The following CAMTA1 variants were observed in gnomAD, a reference collection of about 807,000 sequenced individuals.
The protein encoded by CAMTA1 is calmodulin-binding transcription activator 1.
A neutral mutation model predicts 170.9 loss-of-function variants in CAMTA1; 27 were observed. That is an observed-to-expected ratio of 0.16 (90% CI 0.12 to 0.22). CAMTA1 has a LOEUF of 0.22. Among genes scored for constraint, CAMTA1 ranks in the 10% least tolerant of loss-of-function variants. The pLI is 1.00. For missense variants in CAMTA1, 1,619 were observed against 2,217.2 expected (o/e 0.73, Z 5.42); for synonymous variants, 833 against 891.5 (o/e 0.93, Z 1.17).
chr1:6,950,955 G>T (rs984087765), intron 3 of CAMTA1, among the ~76,000 whole-genome samples: 1 of 152,246 alleles, frequency 6.6e-6, no homozygotes, highest in African/African-American at 2.4e-5. Context: ...CATCTGTGCT[G>T]TTGCTGCTCA....
Position 7,534,001 on chromosome 1 carries a change from C to T in CAMTA1, c.510+66100C>T, listed in dbSNP as rs950488845. Among the ~76,000 whole-genome samples the T allele has an allele frequency of 2.6e-5, 4 of 152,158 alleles. No homozygotes were observed. Among genetic ancestry groups the T allele is most frequent in the African/African-American group, 9.7e-5 (4 of 41,436 alleles). On this transcript the variant is annotated intron_variant, in intron 6 of 22. Transcript: ENST00000303635. This position sits in a 1 kb window ranked among gnomAD's most constrained non-coding sequence, Gnocchi z 5.6. ...AGGGCCCTTCTGGATGCCGCATGGT[C>T]AAGCCTCATCTACTGTACCTGGAGC...
rs763619302 is a variant in CAMTA1 at position 7,640,589 on chromosome 1, G to A, written c.664+36G>A. The A allele has an allele frequency of 1.1e-5, 17 of 1,613,350 alleles. No homozygotes were observed. In the South Asian group the frequency reaches 1.8e-4, roughly 17 times the overall value. On this transcript the variant is annotated intron_variant, in intron 7 of 22. Transcript: ENST00000303635. ...TTGGCCGGCCTGGCGCCCCCACGCT[G>A]GGAACCAGGCTGGCATCAACCAGGC...
intron 4 of CAMTA1, among the ~76,000 whole-genome samples, chr1:7,221,061 C>T (rs1185613111): frequency 6.6e-6 from 1 of 152,158 alleles, no homozygotes; most frequent in Non-Finnish European, 1.5e-5. Flanking sequence ...CACCGAAGGC[C>T]GGCACGGCAC....
rs561903082 is a variant in CAMTA1 at position 7,235,066 on chromosome 1, C to T, written c.303-14425C>T. Among the ~76,000 whole-genome samples, 17 of 152,164 alleles carry T rather than the reference C, an allele frequency of 1.1e-4. 1 individual carries two copies. The South Asian group carries it at 1.9e-3, about 17-fold the overall frequency. On this transcript the variant is annotated intron_variant, in intron 4 of 22. Coordinates refer to ENST00000303635, the MANE Select transcript of CAMTA1 (RefSeq NM_015215.4). ...GCTCCCAAAGTGCTGGGATTACAGT[C>T]GTGAGCCACCATGCCCAGCCAAAAA... is the stretch of plus-strand genomic sequence containing the variant.
At chr1:7,193,298 G>A (rs991507831) in intron 4 of CAMTA1, among the ~76,000 whole-genome samples, 7 of 151,520 alleles carry the variant, frequency 4.6e-5, no homozygotes, top group African/African-American at 1.7e-4. Context: ...GCTGCAGTGA[G>A]CCGAGATTGC....
chr1:6,968,124 C>A (rs570998849), intron 3 of CAMTA1, among the ~76,000 whole-genome samples: 1 of 152,334 alleles, frequency 6.6e-6, no homozygotes, highest in East Asian at 1.9e-4. Flanking sequence ...ATGGAACCCA[C>A]GAATTCCGTT....
intron 3 of CAMTA1, among the ~76,000 whole-genome samples, chr1:6,826,674 A>G (rs914566042): frequency 1.3e-5 from 2 of 152,176 alleles, no homozygotes; most frequent in African/African-American, 2.4e-5. Flanking sequence ...GTATTTTTCC[A>G]TATTATATTT....
intron 3 of CAMTA1, among the ~76,000 whole-genome samples, chr1:6,927,009 A>G (rs1187560291): frequency 6.6e-6 from 1 of 151,476 alleles, no homozygotes; most frequent in Non-Finnish European, 1.5e-5. Flanking sequence ...AGGTCTCCCA[A>G]AGTGCTAGTA....
chr1:7,393,478 A>C (rs530128738), intron 5 of CAMTA1, among the ~76,000 whole-genome samples: 1 of 151,978 alleles, frequency 6.6e-6, no homozygotes, highest in African/African-American at 2.4e-5. Context: ...GGGTCTCCCT[A>C]TGTTGCCCAG....
intron 3 of CAMTA1, among the ~76,000 whole-genome samples, chr1:6,877,658 G>A (rs1364626039): frequency 6.6e-6 from 1 of 152,094 alleles, no homozygotes; most frequent in African/African-American, 2.4e-5. Context: ...CTTCAGGTGG[G>A]GTCGCAAATA....
intron 4 of CAMTA1, among the ~76,000 whole-genome samples, chr1:7,103,516 C>T (rs866968300): frequency 4.8e-5 from 7 of 146,758 alleles, no homozygotes; most frequent in Admixed American, 2.7e-4. Context: ...ACACTACACA[C>T]GTACACACAA....
At chr1:7,061,833 A>T (rs116579344) in intron 3 of CAMTA1, among the ~76,000 whole-genome samples, 3,619 of 150,962 alleles carry the variant, frequency 0.024, 158 homozygotes, top group African/African-American at 0.084. Context: ...GAAGAGCAGG[A>T]CTCCCTTGGG....
intron 5 of CAMTA1, among the ~76,000 whole-genome samples, chr1:7,448,265 A>T (rs938693163): frequency 6.6e-6 from 1 of 152,062 alleles, no homozygotes; most frequent in African/African-American, 2.4e-5. Context: ...CAGAATTCTG[A>T]TGCATGACAC....
rs574177330 is a variant in CAMTA1 at position 6,884,236 on chromosome 1, G to A, written c.234+59026G>A. 2.7e-5 allele frequency among the ~76,000 whole-genome samples: 4 copies of A among 150,764 alleles called. No homozygotes were observed. In the East Asian group the frequency reaches 5.8e-4, roughly 22 times the overall value. On this transcript the variant is annotated intron_variant, in intron 3 of 22. Coordinates refer to ENST00000303635, the MANE Select transcript of CAMTA1 (RefSeq NM_015215.4). ...GCAGTTGGTAGAGGTCATGTGCTTCGATGGCTGAACCTAGCAGCCTTTTAC... is the reference window on the plus strand; with the variant it reads ...GCAGTTGGTAGAGGTCATGTGCTTCAATGGCTGAACCTAGCAGCCTTTTAC...
At position 7,449,317 on chromosome 1, in the gene CAMTA1, C is replaced by G. The variant is rs75655486; in HGVS notation, c.439-18513C>G. On this transcript the variant is annotated intron_variant, in intron 5 of 22. Transcript: ENST00000303635. Reference sequence around the variant, plus strand: ...AAGCAACATTTTTCTGACACGAGGTCTCTAACTCTCATCAGAGAAGTCAGA... The same window carrying G: ...AAGCAACATTTTTCTGACACGAGGTGTCTAACTCTCATCAGAGAAGTCAGA... Among the ~76,000 whole-genome samples the G allele has an allele frequency of 2.0e-4, 31 of 152,350 alleles. 1 individual carries two copies. The highest frequency in any genetic ancestry group is 7.5e-4 in the African/African-American group (31 of 41,582).
At chr1:7,263,621 G>A (rs1359914924) in intron 5 of CAMTA1, among the ~76,000 whole-genome samples, 1 of 152,130 alleles carries the variant, frequency 6.6e-6, no homozygotes. Context: ...CCTTTTTCCC[G>A]GGTGTAAGGA....
intron 21 of CAMTA1, among the ~76,000 whole-genome samples, chr1:7,754,661 A>G (rs2096919315): frequency 6.6e-6 from 1 of 152,220 alleles, no homozygotes; most frequent in Non-Finnish European, 1.5e-5. Flanking sequence ...ACCTTATAAG[A>G]TGGATAACAA....
intron 3 of CAMTA1, among the ~76,000 whole-genome samples, chr1:7,086,805 T>A (rs1640807347): frequency 6.6e-6 from 1 of 152,256 alleles, no homozygotes. Context: ...TTTTGTTTCT[T>A]CATTCATCCA....
In CAMTA1 at chr1:7,311,044, T is replaced by G. The variant is rs1381092856; in HGVS notation, c.438+61418T>G. ...TTGTGCCCAGCCAACAAGATTGTTT[T>G]TCTTTGTCTTTAGTTTTCAGTTTGA... is the stretch of plus-strand genomic sequence containing the variant. On this transcript the variant is annotated intron_variant, in intron 5 of 22. Transcript: ENST00000303635. Among the ~76,000 whole-genome samples the G allele has an allele frequency of 4.6e-5, 7 of 152,302 alleles. No homozygotes were observed. The East Asian group carries it at 1.4e-3, about 29-fold the overall frequency.
Sources: allele counts gnomAD v4.1 joint callset (sites outside exome capture counted in the v4.1 genomes callset), GRCh38; gene constraint gnomAD v4.1.1; non-coding constraint Gnocchi (gnomAD v3.1); transcripts MANE v1.5; gene names NCBI Gene and HGNC (gene_info 2026-07-23, HGNC 2026-07-21).